MARCHF1: variants seen among roughly 807,000 people sequenced by gnomAD.
MARCHF1 encodes membrane associated ring-CH-type finger 1.
In MARCHF1, 40 loss-of-function variants were observed where a neutral mutation model predicts 54.2. The observed-to-expected ratio is 0.74, with a 90% CI of 0.57 to 0.96. MARCHF1 has a LOEUF of 0.96. Ranked by LOEUF, MARCHF1 falls within the 40% of genes least tolerant of loss-of-function variation. MARCHF1 has a pLI of 0.00. For missense variants in MARCHF1, 586 were observed against 656.5 expected (o/e 0.89, Z 1.17); for synonymous variants, 236 against 236.3 (o/e 1.00, Z 0.01).
intron 8 of MARCHF1, among the ~76,000 whole-genome samples, chr4:163,562,846 A>T (rs1056749195): frequency 2.0e-5 from 3 of 152,204 alleles, no homozygotes; most frequent in Non-Finnish European, 4.4e-5. Context: ...CACTCAGGTC[A>T]GAAAGCTGAG....
At chr4:164,107,315 A>G (rs1755728091) in intron 2 of MARCHF1, among the ~76,000 whole-genome samples, 2 of 152,156 alleles carry the variant, frequency 1.3e-5, no homozygotes, top group Non-Finnish European at 2.9e-5. Context: ...TATTGAGAAG[A>G]CATAATGGTA....
At chr4:163,745,176 G>A (rs1179983353) in intron 4 of MARCHF1, among the ~76,000 whole-genome samples, 1 of 149,496 alleles carries the variant, frequency 6.7e-6, no homozygotes, top group African/African-American at 2.5e-5. Flanking sequence ...GCAGTGGCAC[G>A]ATCTCAGCTC....
At chr4:164,015,339 A>G (rs1161345657) in intron 2 of MARCHF1, among the ~76,000 whole-genome samples, 1 of 152,196 alleles carries the variant, frequency 6.6e-6, no homozygotes, top group Non-Finnish European at 1.5e-5. Context: ...AAAAATTGTA[A>G]CTATAAAACT....
chr4:164,094,316 T>C lies in MARCHF1; in HGVS notation c.-248+17272A>G, dbSNP rs77616696. 2.3e-4 allele frequency among the ~76,000 whole-genome samples: 35 copies of C among 152,258 alleles called. No homozygotes were observed. The East Asian group carries it at 5.8e-3, about 25-fold the overall frequency. ...GGTTAGTGAAGGGAGGATAATGCTG[T>C]AGAGCAATACAGGTACAGGTCAACT... On this transcript the variant is annotated intron_variant, in intron 2 of 9. Coordinates refer to ENST00000514618, the MANE Select transcript of MARCHF1 (RefSeq NM_001394959.1).
intron 1 of MARCHF1, among the ~76,000 whole-genome samples, chr4:164,233,944 A>G (rs1008171749): frequency 1.3e-5 from 2 of 152,214 alleles, no homozygotes; most frequent in Non-Finnish European, 2.9e-5. Flanking sequence ...AGTTTTTCTT[A>G]CAATTTAGAT....
intron 5 of MARCHF1, among the ~76,000 whole-genome samples, chr4:163,653,730 G>A (rs1300613476): frequency 1.3e-5 from 2 of 151,638 alleles, no homozygotes; most frequent in Non-Finnish European, 1.5e-5. Flanking sequence ...AAGATGAGGA[G>A]CACTCAGAGC....
At chr4:163,986,194 T>C (rs1273006896) in intron 3 of MARCHF1, among the ~76,000 whole-genome samples, 1 of 150,616 alleles carries the variant, frequency 6.6e-6, no homozygotes, top group Non-Finnish European at 1.5e-5. Flanking sequence ...TATCTCTTTT[T>C]AGAAATTATA....
At chr4:164,032,020 G>A (rs1162797051) in intron 2 of MARCHF1, among the ~76,000 whole-genome samples, 1 of 152,046 alleles carries the variant, frequency 6.6e-6, no homozygotes, top group East Asian at 1.9e-4. Context: ...ACTTTTTATT[G>A]GACTATTCAG....
intron 3 of MARCHF1, among the ~76,000 whole-genome samples, chr4:163,870,335 C>A (rs1750143390): frequency 6.6e-6 from 1 of 152,034 alleles, no homozygotes; most frequent in Admixed American, 6.6e-5. Flanking sequence ...AAACTGACCC[C>A]ATTTTTCCAT....
intron 2 of MARCHF1, among the ~76,000 whole-genome samples, chr4:164,032,623 T>A (rs577323597): frequency 1.3e-5 from 2 of 152,312 alleles, no homozygotes; most frequent in East Asian, 3.9e-4. Context: ...GTTGTTCAAT[T>A]TCCACATAGT....
At chr4:164,173,830 T>C (rs1482657136) in intron 1 of MARCHF1, among the ~76,000 whole-genome samples, 1 of 152,148 alleles carries the variant, frequency 6.6e-6, no homozygotes, top group Non-Finnish European at 1.5e-5. Flanking sequence ...AAAATAAACC[T>C]CTTTGCTTTA....
chr4:164,369,221 A>G (rs1730964234), intron 1 of MARCHF1, among the ~76,000 whole-genome samples: 2 of 152,158 alleles, frequency 1.3e-5, no homozygotes, highest in Admixed American at 1.3e-4. Flanking sequence ...TAGCTGGGCA[A>G]CAATCCTTGA....
chr4:163,928,940 GA>G (rs1224527197), intron 3 of MARCHF1, among the ~76,000 whole-genome samples: 10 of 151,832 alleles, frequency 6.6e-5, no homozygotes, highest in African/African-American at 2.4e-4. Context: ...GGACAAAGGG[GA>G]AAAAATAAGA....
intron 1 of MARCHF1, among the ~76,000 whole-genome samples, chr4:164,186,383 C>T (rs1344135758): frequency 6.6e-6 from 1 of 152,178 alleles, no homozygotes; most frequent in Admixed American, 6.5e-5. Flanking sequence ...TTTAGCCATG[C>T]TCTATGTGAT....
At chr4:163,638,209 A>T (rs1742416216) in intron 5 of MARCHF1, among the ~76,000 whole-genome samples, 3 of 150,714 alleles carry the variant, frequency 2.0e-5, no homozygotes, top group African/African-American at 7.4e-5. Context: ...AACCAGCACA[A>T]TGTGCACATG....
chr4:163,620,606 C>CAGAG (rs138054709), intron 5 of MARCHF1, among the ~76,000 whole-genome samples: 113 of 56,932 alleles, frequency 2.0e-3, no homozygotes, highest in Non-Finnish European at 3.5e-3. Flanking sequence ...CACACACACA[C>CAGAG]AGAGAGAGAG....
chr4:164,301,672 T>C (rs1221541114), intron 1 of MARCHF1, among the ~76,000 whole-genome samples: 3 of 151,996 alleles, frequency 2.0e-5, no homozygotes, highest in African/African-American at 7.3e-5. Flanking sequence ...TTCATATATT[T>C]AGGGAGTGAG....
chr4:164,202,119 A>G (rs910919575), intron 1 of MARCHF1, among the ~76,000 whole-genome samples: 1 of 152,208 alleles, frequency 6.6e-6, no homozygotes, highest in African/African-American at 2.4e-5. Flanking sequence ...TGTTTATGAG[A>G]GTTACATAAG....
Position 163,986,246 on chromosome 4 carries a change from C to CTTTTTTTTTTTTTTTTTTTTTTTTTTTT in MARCHF1, c.-39+2254_-39+2255insAAAAAAAAAAAAAAAAAAAAAAAAAAAA, listed in dbSNP as rs1752861022. Among the ~76,000 whole-genome samples, 5 of 73,758 alleles carry CTTTTTTTTTTTTTTTTTTTTTTTTTTTT rather than the reference C, an allele frequency of 6.8e-5. 2 individuals are homozygous for CTTTTTTTTTTTTTTTTTTTTTTTTTTTT. Among genetic ancestry groups the CTTTTTTTTTTTTTTTTTTTTTTTTTTTT allele is most frequent in the Admixed American group, 3.9e-4 (2 of 5,158 alleles). 48.4% of individuals were successfully genotyped at this position (73,758 alleles called of 152,430 possible). On this transcript the variant is annotated intron_variant, in intron 3 of 9. Transcript: ENST00000514618. Reference sequence around the variant, plus strand: ...CCTTTCCTTTTCTCCTAATTAACCTCTTCTTTTTTTTTTTTTTTTTTTTTT... The same window carrying CTTTTTTTTTTTTTTTTTTTTTTTTTTTT: ...CCTTTCCTTTTCTCCTAATTAACCTCTTTTTTTTTTTTTTTTTTTTTTTTTTTTTTCTTTTTTTTTTTTTTTTTTTTTT...
Sources: gnomAD v4.1 joint callset for allele counts (sites outside exome capture counted in the v4.1 genomes callset) on GRCh38, gnomAD v4.1.1 for gene constraint, MANE v1.5 for transcripts, NCBI Gene and HGNC (gene_info 2026-07-23, HGNC 2026-07-21) for gene names.